Variants in PGBD4 observed in about 807,000 individuals in gnomAD.
The protein encoded by PGBD4 is piggyBac transposable element-derived protein 4.
In PGBD4, 1 loss-of-function variant was observed where a neutral mutation model predicts 0.3. That is an observed-to-expected ratio of 3.72 (90% CI 1.32 to 17.64). PGBD4 has a LOEUF of 17.64. Ranked by LOEUF, PGBD4 falls within the 30% of genes most tolerant of loss-of-function variation. The pLI is 0.11. For synonymous variants in PGBD4, 253 were observed against 267.7 expected (o/e 0.95, Z 0.54); for missense variants, 624 against 719.7 (o/e 0.87, Z 1.52).
rs1887753464 is a variant in PGBD4 at position 34,105,631 on chromosome 15, T to A, written c.*1342T>A. 1 of 165,656 alleles carries A rather than the reference T, an allele frequency of 6.0e-6. No individual in the cohort carries two copies. The highest frequency in any genetic ancestry group is 2.4e-5 in the African/African-American group (1 of 41,022). The allele number at this position is 165,656 out of a possible 1,614,324, so 10.3% of individuals were successfully genotyped here. A position where few individuals can be genotyped will look rare whatever the true frequency, so the allele number is the denominator to read the frequency against. On this transcript the variant is annotated 3_prime_UTR_variant, in exon 1 of 1. Transcript: ENST00000397766. ...TTTTCTGAAGATAGTTACTTCTTCA[T>A]ATTTGATCATCGGAAGGAGCAGCAT... is the stretch of plus-strand genomic sequence containing the variant.
chr15:34,102,732 T>G lies in PGBD4; in HGVS notation c.201T>G (p.Ser67Arg). 1 of 1,614,182 alleles carries G rather than the reference T, an allele frequency of 6.2e-7. No individual in the cohort carries two copies. Among genetic ancestry groups the G allele is most frequent in the South Asian group, 1.1e-5 (1 of 91,086 alleles). Residue 67 changes from serine (S) to arginine (R), a missense_variant, in exon 1 of 1, where the codon AGT becomes AGG. Physicochemically the swap from Ser to Arg is moderately radical, Grantham distance 110. Coordinates refer to ENST00000397766, the MANE Select transcript of PGBD4 (RefSeq NM_152595.5). This position sits in a 1 kb window ranked among gnomAD's most constrained non-coding sequence, Gnocchi z 4.7. The stretch of plus-strand genomic sequence containing the variant: ...CTGATGGAAAGAGCTCTACATCAAG[T>G]GACTCAGGGCGCTCCATGAAATGGT... ...LESDGKSSTS[S>R]DSGRSMKWSA...
rs1343795200 is a variant in PGBD4 at position 34,103,423 on chromosome 15, G to A, written c.892G>A (p.Gly298Ser). The A allele has an allele frequency of 6.2e-7, 1 of 1,614,056 alleles. No individual in the cohort carries two copies. Among genetic ancestry groups the A allele is most frequent in the African/African-American group, 1.3e-5 (1 of 74,908 alleles). Reference sequence around the variant, plus strand: ...GAATGCGCTTGTTCACACAGGGCCTGGCATGAATTTGAAAGATTCAGCGGA... The same window carrying A: ...GAATGCGCTTGTTCACACAGGGCCTAGCATGAATTTGAAAGATTCAGCGGA... ...VWNALVHTGP[G>S]MNLKDSADGL... is the part of the protein sequence containing the mutation. Residue 298 changes from glycine to serine, a missense_variant, in exon 1 of 1, where the codon GGC becomes AGC. Coordinates refer to ENST00000397766, the MANE Select transcript of PGBD4 (RefSeq NM_152595.5). The surrounding 1 kb of genome is among the most constrained non-coding windows in gnomAD (Gnocchi z 4.6).
chr15:34,108,627 A>T lies in PGBD4; in HGVS notation c.*4338A>T, dbSNP rs1597410044. 6.6e-6 allele frequency: 1 copy of T among 152,200 alleles called. No homozygotes were observed. Among genetic ancestry groups the T allele is most frequent in the African/African-American group, 2.4e-5 (1 of 41,466 alleles). The allele number at this position is 152,200 out of a possible 1,614,324, so 9.4% of individuals were successfully genotyped here. On this transcript the variant is annotated 3_prime_UTR_variant, in exon 1 of 1. Coordinates refer to ENST00000397766, the MANE Select transcript of PGBD4 (RefSeq NM_152595.5). ...TATTAATAAAATTTTACTTTTCAAA[A>T]ATGATTTCAAAAATTGCAAAATTTA...
rs1901221952 is a variant in PGBD4, at chr15:34,103,650, G to T, written c.1119G>T (p.Thr373=). Residue 373 remains threonine, a synonymous_variant, in exon 1 of 1, where the codon ACG becomes ACT. Coordinates refer to ENST00000397766, the MANE Select transcript of PGBD4 (RefSeq NM_152595.5). This position sits in a 1 kb window ranked among gnomAD's most constrained non-coding sequence, Gnocchi z 4.6. ...NDLKKRIAKG[T]TVARFCGELM... ...TGAAAAAAAGGATTGCAAAGGGGAC[G>T]ACTGTAGCCAGATTCTGTGGTGAAC... The T allele has an allele frequency of 1.2e-6, 2 of 1,614,140 alleles. No homozygotes were observed.
chr15:34,103,300 A>C lies in PGBD4; in HGVS notation c.769A>C (p.Lys257Gln), dbSNP rs763106066. The change falls in exon 1 of 1, where the codon AAG (lysine) becomes CAG (glutamine). Residue 257 changes from lysine (K) to glutamine (Q), a missense_variant. Coordinates refer to ENST00000397766, the MANE Select transcript of PGBD4 (RefSeq NM_152595.5). This position sits in a 1 kb window ranked among gnomAD's most constrained non-coding sequence, Gnocchi z 4.6. ...AGTTGATGAATCACTGATGCTGTTC[A>C]AGGGGCCATTAGCTATGAAGCAGTA... ...IAVDESLMLF[K>Q]GPLAMKQYLP... 1.9e-6 allele frequency: 3 copies of C among 1,614,220 alleles called. No homozygotes were observed. The highest frequency in any genetic ancestry group is 2.5e-6 in the Non-Finnish European group (3 of 1,180,044).
rs1429821976 is a variant in PGBD4, at chr15:34,103,865, G to A, written c.1334G>A (p.Arg445His). 8.7e-6 allele frequency: 14 copies of A among 1,613,930 alleles called. No individual in the cohort carries two copies. The highest frequency in any genetic ancestry group is 1.6e-4 in the Middle Eastern group (1 of 6,084). Residue 445 changes from arginine to histidine, a missense_variant, in exon 1 of 1, where the codon CGC becomes CAC. Coordinates refer to ENST00000397766, the MANE Select transcript of PGBD4 (RefSeq NM_152595.5). This position sits in a 1 kb window ranked among gnomAD's most constrained non-coding sequence, Gnocchi z 4.6. ...DQMLTSYPSE[R>H]KRHKVWYKKF... Reference sequence around the variant, plus strand: ...ATGCTTACTTCTTATCCATCTGAGCGCAAAAGACACAAGGTTTGGTATAAG... The same window carrying A: ...ATGCTTACTTCTTATCCATCTGAGCACAAAAGACACAAGGTTTGGTATAAG...
Position 34,103,033 on chromosome 15 carries a change from G to C in PGBD4, c.502G>C (p.Val168Leu). The C allele has an allele frequency of 1.2e-6, 2 of 1,614,082 alleles. No individual in the cohort carries two copies. The highest frequency in any genetic ancestry group is 2.7e-5 in the African/African-American group (2 of 75,052). The change falls in exon 1 of 1, where the codon GTG (valine) becomes CTG (leucine). Residue 168 changes from valine to leucine, a missense_variant. Physicochemically the swap from Val to Leu is conservative, Grantham distance 32. Coordinates refer to ENST00000397766, the MANE Select transcript of PGBD4 (RefSeq NM_152595.5). This position sits in a 1 kb window ranked among gnomAD's most constrained non-coding sequence, Gnocchi z 4.6. ...FFAVMLLQGIVQKPELEMFWS... is the reference protein window; with the variant it reads ...FFAVMLLQGILQKPELEMFWS... Reference sequence around the variant, plus strand: ...TGCAGTAATGTTACTGCAAGGTATTGTGCAGAAACCTGAGCTGGAGATGTT... The same window carrying C: ...TGCAGTAATGTTACTGCAAGGTATTCTGCAGAAACCTGAGCTGGAGATGTT...
rs201137112 is a variant in PGBD4, at chr15:34,102,997, A to G, written c.466A>G (p.Lys156Glu). ...KWKDTDNDEL[K>E]VFFAVMLLQG... The stretch of plus-strand genomic sequence containing the variant: ...GAAAGACACTGACAATGACGAGCTC[A>G]AAGTCTTTTTTGCAGTAATGTTACT... The change falls in exon 1 of 1, where the codon AAA becomes GAA. Residue 156 changes from lysine (K) to glutamate (E), a missense_variant. Transcript: ENST00000397766. The surrounding 1 kb of genome is among the most constrained non-coding windows in gnomAD (Gnocchi z 4.7). The G allele has an allele frequency of 5.6e-6, 9 of 1,614,140 alleles. No individual in the cohort carries two copies. The Admixed American group carries it at 1.2e-4, about 21-fold the overall frequency.
In PGBD4 at chr15:34,104,430, C is replaced by T; in HGVS notation, c.*141C>T. The T allele has an allele frequency of 1.2e-6, 1 of 860,300 alleles. No homozygotes were observed. Among genetic ancestry groups the T allele is most frequent in the Non-Finnish European group, 1.7e-6 (1 of 574,464 alleles). 53.3% of individuals were successfully genotyped at this position (860,300 alleles called of 1,614,324 possible). A position where few individuals can be genotyped will look rare whatever the true frequency, so the allele number is the denominator to read the frequency against. On this transcript the variant is annotated 3_prime_UTR_variant, in exon 1 of 1. Transcript: ENST00000397766. ...CCAGCCTGGCCAACATGGTGAAACC[C>T]TGTCTCTACTAAAAATACAACAATT...
rs892331605 is a variant in PGBD4, at chr15:34,104,549, G to A, written c.*260G>A. On this transcript the variant is annotated 3_prime_UTR_variant, in exon 1 of 1. Transcript: ENST00000397766. Reference sequence around the variant, plus strand: ...ACCCATGAGGCGGAGGTTGCAGTGAGCTGAGATCACACCACTGCACTCCAG... The same window carrying A: ...ACCCATGAGGCGGAGGTTGCAGTGAACTGAGATCACACCACTGCACTCCAG... 2 of 471,910 alleles carry A rather than the reference G, an allele frequency of 4.2e-6. No individual in the cohort carries two copies. The highest frequency in any genetic ancestry group is 3.9e-5 in the Admixed American group (1 of 25,894). The allele number at this position is 471,910 out of a possible 1,614,324, so 29.2% of individuals were successfully genotyped here.
Position 34,102,817 on chromosome 15 carries a change from G to A in PGBD4, c.286G>A (p.Val96Ile), listed in dbSNP as rs552902642. ...YDFTGTPGRK[V>I]DVSDITDPLQ... ...CTTTACCGGCACACCTGGCAGAAAA[G>A]TCGATGTCAGTGATATCACTGACCC... The change falls in exon 1 of 1, where the codon GTC (valine) becomes ATC (isoleucine). Residue 96 changes from valine (V) to isoleucine (I), a missense_variant. Physicochemically the swap from Val to Ile is conservative, Grantham distance 29. Coordinates refer to ENST00000397766, the MANE Select transcript of PGBD4 (RefSeq NM_152595.5). The surrounding 1 kb of genome is among the most constrained non-coding windows in gnomAD (Gnocchi z 4.7). 9 of 1,614,072 alleles carry A rather than the reference G, an allele frequency of 5.6e-6. No homozygotes were observed. Among genetic ancestry groups the A allele is most frequent in the Non-Finnish European group, 7.6e-6 (9 of 1,180,042 alleles).
chr15:34,104,281 A>G lies in PGBD4; in HGVS notation c.1750A>G (p.Asn584Asp), dbSNP rs748865965. ...PCFEIYHTKK[N>D]Y ...CTTTGAAATTTACCACACGAAAAAA[A>G]ATTATTAAATACCGATCATCATACA... is the stretch of plus-strand genomic sequence containing the variant. The change falls in exon 1 of 1, where the codon AAT becomes GAT. Residue 584 changes from asparagine to aspartate, a missense_variant. By Grantham distance (23) the Asn-to-Asp change is conservative (BLOSUM62 1). Transcript: ENST00000397766. 8.1e-6 allele frequency: 13 copies of G among 1,610,990 alleles called. No homozygotes were observed. The highest frequency in any genetic ancestry group is 8.0e-5 in the African/African-American group (6 of 74,780).
Position 34,102,358 on chromosome 15 carries a change from G to T in PGBD4, c.-174G>T, listed in dbSNP as rs1278814935. The T allele has an allele frequency of 2.2e-5, 22 of 980,908 alleles. No individual in the cohort carries two copies. The highest frequency in any genetic ancestry group is 3.0e-5 in the Non-Finnish European group (21 of 701,818). 60.8% of individuals were successfully genotyped at this position (980,908 alleles called of 1,614,324 possible). ...AGCGTTTACGCCGAGATAACTCGTG[G>T]ATTACAGTGCCAACCTTACTCCCAA... On this transcript the variant is annotated 5_prime_UTR_variant, in exon 1 of 1. Coordinates refer to ENST00000397766, the MANE Select transcript of PGBD4 (RefSeq NM_152595.5). The surrounding 1 kb of genome is among the most constrained non-coding windows in gnomAD (Gnocchi z 4.7).
chr15:34,103,482 G>A lies in PGBD4; in HGVS notation c.951G>A (p.Leu317=), dbSNP rs779740799. Residue 317 remains leucine, a synonymous_variant, in exon 1 of 1, where the codon TTG becomes TTA. Coordinates refer to ENST00000397766, the MANE Select transcript of PGBD4 (RefSeq NM_152595.5). The surrounding 1 kb of genome is among the most constrained non-coding windows in gnomAD (Gnocchi z 4.6). ...AATCATCACGCATTGTTCTTACCTT[G>A]GTCAATGACCTTCTTGGCCAAGGGT... The part of the protein sequence containing the change: ...GLKSSRIVLT[L]VNDLLGQGYC... The A allele has an allele frequency of 1.5e-5, 24 of 1,614,022 alleles. No homozygotes were observed. The Admixed American group carries it at 3.7e-4, about 25-fold the overall frequency.
rs1887781759 is a variant in PGBD4 at position 34,107,572 on chromosome 15, A to G, written c.*3283A>G. 1 of 152,232 alleles carries G rather than the reference A, an allele frequency of 6.6e-6. No individual in the cohort carries two copies. Among genetic ancestry groups the G allele is most frequent in the African/African-American group, 2.4e-5 (1 of 41,468 alleles). 9.4% of individuals were successfully genotyped at this position (152,232 alleles called of 1,614,324 possible). On this transcript the variant is annotated 3_prime_UTR_variant, in exon 1 of 1. Transcript: ENST00000397766. The stretch of plus-strand genomic sequence containing the variant: ...ACTCTCACCAGCAATGTGTAAGATA[A>G]CTTGCTTCTTCATACCCTCACCAAC...
chr15:34,103,504 G>A lies in PGBD4; in HGVS notation c.973G>A (p.Gly325Arg). 12 of 1,614,186 alleles carry A rather than the reference G, an allele frequency of 7.4e-6. No individual in the cohort carries two copies. Among genetic ancestry groups the A allele is most frequent in the Non-Finnish European group, 1.0e-5 (12 of 1,180,036 alleles). ...LTLVNDLLGQ[G>R]YCVFLDNFNI... ...CTTGGTCAATGACCTTCTTGGCCAAGGGTATTGTGTCTTCCTCGATAACTT... is the reference window on the plus strand; with the variant it reads ...CTTGGTCAATGACCTTCTTGGCCAAAGGTATTGTGTCTTCCTCGATAACTT... The change falls in exon 1 of 1, where the codon GGG becomes AGG. Residue 325 changes from glycine to arginine, a missense_variant. By Grantham distance (125) the Gly-to-Arg change is moderately radical. Coordinates refer to ENST00000397766, the MANE Select transcript of PGBD4 (RefSeq NM_152595.5). This position sits in a 1 kb window ranked among gnomAD's most constrained non-coding sequence, Gnocchi z 4.6.
At position 34,104,122 on chromosome 15, in the gene PGBD4, A is replaced by T; in HGVS notation, c.1591A>T (p.Thr531Ser). The change falls in exon 1 of 1, where the codon ACG (threonine) becomes TCG (serine). Residue 531 changes from threonine (T) to serine (S), a missense_variant. Coordinates refer to ENST00000397766, the MANE Select transcript of PGBD4 (RefSeq NM_152595.5). ...ACATTTCCCCAAGAGCATACCAGCAACGTCCGGGAAACAGAATCCAACTGG... is the reference window on the plus strand; with the variant it reads ...ACATTTCCCCAAGAGCATACCAGCATCGTCCGGGAAACAGAATCCAACTGG... ...GRHFPKSIPATSGKQNPTGRC... is the reference protein window; with the variant it reads ...GRHFPKSIPASSGKQNPTGRC... The T allele has an allele frequency of 6.2e-7, 1 of 1,614,206 alleles. No individual in the cohort carries two copies.
rs1887757532 is a variant in PGBD4 at position 34,105,824 on chromosome 15, T to G, written c.*1535T>G. The G allele has an allele frequency of 6.0e-6, 1 of 166,944 alleles. No individual in the cohort carries two copies. The allele number at this position is 166,944 out of a possible 1,614,324, so 10.3% of individuals were successfully genotyped here. ...CTTAGTTTTTGAATAGATAAGACATTCAAGTGTCAGAAAGTAAAAGTCAGT... is the reference window on the plus strand; with the variant it reads ...CTTAGTTTTTGAATAGATAAGACATGCAAGTGTCAGAAAGTAAAAGTCAGT... On this transcript the variant is annotated 3_prime_UTR_variant, in exon 1 of 1. Transcript: ENST00000397766.
In PGBD4 at chr15:34,102,569, ATAGTAATAC is replaced by A; in HGVS notation, c.39_47del (p.Ser14_Thr16del). The A allele has an allele frequency of 6.3e-7, 1 of 1,583,720 alleles. No individual in the cohort carries two copies. Among genetic ancestry groups the A allele is most frequent in the African/African-American group, 1.3e-5 (1 of 74,478 alleles). ...AGAAAACGTAGCATTCCTATGCGTG[ATAGTAATAC>A]CGGTCTCGAACAGTTGTTGGCTGAA... On this transcript the variant is annotated inframe_deletion, in exon 1 of 1. Coordinates refer to ENST00000397766, the MANE Select transcript of PGBD4 (RefSeq NM_152595.5). This position sits in a 1 kb window ranked among gnomAD's most constrained non-coding sequence, Gnocchi z 4.7.
Sources: gnomAD v4.1 joint callset for allele counts on GRCh38, gnomAD v4.1.1 for gene constraint, Gnocchi (gnomAD v3.1) non-coding constraint, MANE v1.5 for transcripts, NCBI Gene and HGNC (gene_info 2026-07-23, HGNC 2026-07-21) for gene names.